NDUFB9: variants seen among roughly 807,000 people sequenced by gnomAD.
The protein encoded by NDUFB9 is NADH:ubiquinone oxidoreductase subunit B9, also known as NADH dehydrogenase [ubiquinone] 1 beta subcomplex subunit 9.
In NDUFB9, 24 loss-of-function variants were observed where a neutral mutation model predicts 30.2. That is an observed-to-expected ratio of 0.80 (90% CI 0.58 to 1.12). NDUFB9 has a LOEUF of 1.12. Among genes scored for constraint, NDUFB9 ranks in the 50% most tolerant of loss-of-function variants. The probability of loss-of-function intolerance (pLI) is 0.00; values close to 1 mark genes in which losing one functional copy is unlikely to be tolerated. For synonymous variants in NDUFB9, 80 were observed against 84.0 expected, an observed-to-expected ratio of 0.95 and a Z score of 0.26; for missense variants, 204 against 226.0, an observed-to-expected ratio of 0.90 and a Z score of 0.62.
At chr8:124,545,557 C>G (rs1027326419) in intron 2 of NDUFB9, among the ~76,000 whole-genome samples, 3 of 152,206 alleles carry the variant, frequency 2.0e-5, no homozygotes, top group Non-Finnish European at 2.9e-5. Context: ...GGGAGATGGT[C>G]TCCCTCTGTT....
At chr8:124,547,343 CCTT>C (rs1454678981) in intron 3 of NDUFB9, 3 of 630,652 alleles carry the variant, frequency 4.8e-6, no homozygotes, top group Non-Finnish European at 8.5e-6. Flanking sequence ...CTTCAGATCT[CCTT>C]CTCTTTAGTC....
chr8:124,543,356 C>T, intron 2 of NDUFB9, 77 bp downstream of exon 2: 1 of 1,475,970 alleles, frequency 6.8e-7, no homozygotes, highest in South Asian at 1.2e-5. Context: ...CCTCAGAAAT[C>T]ACTTGCCCTT....
rs746709110 is a variant in NDUFB9, at chr8:124,539,145, G to C, written c.-42G>C. On this transcript the variant is annotated 5_prime_UTR_variant, in exon 1 of 4. Transcript: ENST00000276689. ...CTCAGTCACCCGCAGCAGGCGTGCA[G>C]TTTCCCGGCTCTCCGCGCGGCCGGG... is the stretch of plus-strand genomic sequence containing the variant. The C allele has an allele frequency of 7.3e-5, 117 of 1,613,370 alleles. No homozygotes were observed. Among genetic ancestry groups the C allele is most frequent in the Non-Finnish European group, 8.5e-5 (100 of 1,179,386 alleles).
At chr8:124,545,807 GCAGGAGC>G (rs1169100443) in intron 2 of NDUFB9, among the ~76,000 whole-genome samples, 4 of 152,046 alleles carry the variant, frequency 2.6e-5, no homozygotes, top group African/African-American at 7.2e-5. Context: ...GGGACTAAAG[GCAGGAGC>G]CACCTCACCC....
At chr8:124,547,920 G>A (rs748358097) in intron 3 of NDUFB9, among the ~76,000 whole-genome samples, 55 of 152,260 alleles carry the variant, frequency 3.6e-4, no homozygotes, top group Non-Finnish European at 1.9e-4. Context: ...AGGAGGTGGA[G>A]GTTGCAATGA....
chr8:124,543,199 T>C lies in NDUFB9; in HGVS notation c.214T>C (p.Trp72Arg), dbSNP rs886513928. 6.2e-7 allele frequency: 1 copy of C among 1,614,138 alleles called. No homozygotes were observed. The highest frequency in any genetic ancestry group is 1.1e-5 in the South Asian group (1 of 91,092). Reference protein sequence around the residue: ...QLLKEAEEEFWYRQHPQPYIF... With the variant: ...QLLKEAEEEFRYRQHPQPYIF... Reference sequence around the variant, plus strand: ...GCTGAAGGAGGCCGAGGAAGAATTCTGGTACCGTCAGCATCCACAGCCATA... The same window carrying C: ...GCTGAAGGAGGCCGAGGAAGAATTCCGGTACCGTCAGCATCCACAGCCATA... Residue 72 changes from tryptophan (W) to arginine (R), a missense_variant, in exon 2 of 4, where the codon TGG becomes CGG. Coordinates refer to ENST00000276689, the MANE Select transcript of NDUFB9 (RefSeq NM_005005.3).
chr8:124,541,971 A>C (rs528575495), intron 1 of NDUFB9, among the ~76,000 whole-genome samples: 2 of 149,398 alleles, frequency 1.3e-5, no homozygotes, highest in African/African-American at 5.0e-5. Context: ...CTGGAGTGCA[A>C]ATGGCACAAT....
At position 124,544,264 on chromosome 8, in the gene NDUFB9, G is replaced by A. The variant is rs146166251; in HGVS notation, c.294+985G>A. Among the ~76,000 whole-genome samples, 254 of 152,288 alleles carry A rather than the reference G, an allele frequency of 1.7e-3. 2 individuals carry two copies. The East Asian group carries it at 0.035, about 21-fold the overall frequency. ...AAAAAGTTGGAAGCTAATAGAGGTT[G>A]GTCCATGAGGTTTAAGGAAAAAAGC... On this transcript the variant is annotated intron_variant, in intron 2 of 3. Coordinates refer to ENST00000276689, the MANE Select transcript of NDUFB9 (RefSeq NM_005005.3).
rs781372333 is a variant in NDUFB9, at chr8:124,547,052, C to T, written c.347C>T (p.Pro116Leu). 11 of 1,613,192 alleles carry T rather than the reference C, an allele frequency of 6.8e-6. No individual in the cohort carries two copies. Among genetic ancestry groups the T allele is most frequent in the South Asian group, 1.1e-5 (1 of 91,042 alleles). Reference protein sequence around the residue: ...DWHPSEKAMYPDYFAKREQWK... With the variant: ...DWHPSEKAMYLDYFAKREQWK... The stretch of plus-strand genomic sequence containing the variant: ...CATCCTTCTGAGAAGGCAATGTATC[C>T]TGATTACTTTGCCAAGAGAGAACAG... Residue 116 changes from proline to leucine, a missense_variant, in exon 3 of 4, where the codon CCT (proline) becomes CTT (leucine). Physicochemically the swap from Pro to Leu is moderately conservative, Grantham distance 98. Coordinates refer to ENST00000276689, the MANE Select transcript of NDUFB9 (RefSeq NM_005005.3).
intron 1 of NDUFB9, among the ~76,000 whole-genome samples, chr8:124,541,991 C>T (rs1372809768): frequency 1.3e-5 from 2 of 151,910 alleles, no homozygotes; most frequent in Non-Finnish European, 2.9e-5. Context: ...TCTCGACTCA[C>T]TGCAACCTCT....
At chr8:124,548,210 T>C (rs965181299) in intron 3 of NDUFB9, among the ~76,000 whole-genome samples, 3 of 152,098 alleles carry the variant, frequency 2.0e-5, no homozygotes. Flanking sequence ...CAGGAGAGAT[T>C]TGGCCTAGAA....
rs758303161 is a variant in NDUFB9, at chr8:124,543,099, A to G, written c.114A>G (p.Arg38=). The part of the protein sequence containing the change: ...ESWCVQRDKY[R]YFACLMRARF... The stretch of plus-strand genomic sequence containing the variant: ...ATTTTGGTTTAAGAGACAAATACCG[A>G]TACTTTGCTTGTTTGATGAGAGCCC... Residue 38 remains arginine (R), a synonymous_variant, in exon 2 of 4, where the codon CGA becomes CGG. Coordinates refer to ENST00000276689, the MANE Select transcript of NDUFB9 (RefSeq NM_005005.3). The G allele has an allele frequency of 3.1e-6, 5 of 1,614,098 alleles. No individual in the cohort carries two copies. The highest frequency in any genetic ancestry group is 1.7e-5 in the Admixed American group (1 of 60,014).
chr8:124,540,750 T>C (rs957021753), intron 1 of NDUFB9, among the ~76,000 whole-genome samples: 23 of 152,216 alleles, frequency 1.5e-4, no homozygotes, highest in Non-Finnish European at 2.8e-4. Context: ...TTGCCCTCAT[T>C]GTGCTGTTCT....
chr8:124,543,749 C>T (rs1243278151), intron 2 of NDUFB9, among the ~76,000 whole-genome samples: 1 of 152,144 alleles, frequency 6.6e-6, no homozygotes, highest in Admixed American at 6.5e-5. Context: ...TTTCACCGAC[C>T]AATAGTTCCT....
At position 124,539,140 on chromosome 8, in the gene NDUFB9, G is replaced by T. The variant is rs866600933; in HGVS notation, c.-47G>T. The stretch of plus-strand genomic sequence containing the variant: ...CCCCGCTCAGTCACCCGCAGCAGGC[G>T]TGCAGTTTCCCGGCTCTCCGCGCGG... On this transcript the variant is annotated 5_prime_UTR_variant, in exon 1 of 4. Coordinates refer to ENST00000276689, the MANE Select transcript of NDUFB9 (RefSeq NM_005005.3). The T allele has an allele frequency of 2.7e-5, 44 of 1,612,984 alleles. No individual in the cohort carries two copies. The Middle Eastern group carries it at 8.2e-4, about 30-fold the overall frequency.
chr8:124,539,197 T>G lies in NDUFB9; in HGVS notation c.11T>G (p.Leu4Trp), dbSNP rs753001361. MAF[L>W]ASGPYLTHQQ... ...AAGGTCAGCGCCGTAATGGCGTTCT[T>G]GGCGTCGGGACCCTACCTGACCCAT... is the stretch of plus-strand genomic sequence containing the variant. Residue 4 changes from leucine (L) to tryptophan (W), a missense_variant, in exon 1 of 4, where the codon TTG (leucine) becomes TGG (tryptophan). By Grantham distance (61) the Leu-to-Trp change is moderately conservative. Transcript: ENST00000276689. 51 of 1,614,212 alleles carry G rather than the reference T, an allele frequency of 3.2e-5. No individual in the cohort carries two copies. The African/African-American group carries it at 6.4e-4, about 20-fold the overall frequency.
At chr8:124,543,757 C>G (rs1353781535) in intron 2 of NDUFB9, among the ~76,000 whole-genome samples, 1 of 152,138 alleles carries the variant, frequency 6.6e-6, no homozygotes, top group African/African-American at 2.4e-5. Context: ...ACCAATAGTT[C>G]CTCCGCCTCT....
chr8:124,540,656 A>G (rs1487337227), intron 1 of NDUFB9, among the ~76,000 whole-genome samples: 1 of 152,230 alleles, frequency 6.6e-6, no homozygotes, highest in Admixed American at 6.5e-5. Flanking sequence ...AAAATGATAT[A>G]AACTAGCTAC....
chr8:124,545,214 C>T (rs773452752), intron 2 of NDUFB9, among the ~76,000 whole-genome samples: 2 of 152,176 alleles, frequency 1.3e-5, no homozygotes, highest in African/African-American at 2.4e-5. Flanking sequence ...CAAAGGACTT[C>T]GCATAGCACA....
Sources: allele counts gnomAD v4.1 joint callset (sites outside exome capture counted in the v4.1 genomes callset), GRCh38; gene constraint gnomAD v4.1.1; transcripts MANE v1.5; gene names NCBI Gene and HGNC (gene_info 2026-07-23, HGNC 2026-07-21).